The following THBS4 variants were observed in gnomAD, a reference collection of about 807,000 sequenced individuals.
The protein encoded by THBS4 is thrombospondin-4.
Under a neutral mutation model 115.7 loss-of-function variants are expected in THBS4, and 90 were observed. The ratio of observed to expected loss-of-function variants is 0.78; its 90% CI spans 0.66 to 0.93. The LOEUF (loss-of-function observed/expected upper bound fraction) is 0.93, where lower values mean the gene tolerates loss of function less well. Ranked by LOEUF, THBS4 falls within the 40% of genes least tolerant of loss-of-function variation. The probability of loss-of-function intolerance (pLI) is 0.00; values close to 1 mark genes in which losing one functional copy is unlikely to be tolerated. For synonymous variants in THBS4, 460 were observed against 479.3 expected (o/e 0.96, Z 0.53); for missense variants, 1,087 against 1,232.7 (o/e 0.88, Z 1.77).
rs1336204737 is a variant in THBS4 at position 80,074,624 on chromosome 5, CTCTT to C, written c.1892+1299_1892+1302del. On this transcript the variant is annotated intron_variant, in intron 15 of 21. Transcript: ENST00000350881. ...CTCCTATGAAGCCACAGCTCTCTCT[CTCTT>C]TTTTTTTTTTTTTGAGATGGAGTCT... 1.1e-4 allele frequency among the ~76,000 whole-genome samples: 17 copies of C among 148,024 alleles called. No individual in the cohort carries two copies. In the South Asian group the frequency reaches 3.4e-3, roughly 30 times the overall value.
chr5:80,076,748 A>G, intron 15 of THBS4, 107 bp from the exon 16 acceptor site: 1 of 1,203,030 alleles, frequency 8.3e-7, no homozygotes, highest in Non-Finnish European at 1.1e-6. Context: ...TTTAAGAGCC[A>G]ACCCTGGTTT....
intron 2 of THBS4, among the ~76,000 whole-genome samples, chr5:80,048,118 A>C (rs529504431): frequency 1.3e-5 from 2 of 152,264 alleles, no homozygotes; most frequent in African/African-American, 4.8e-5. Context: ...TTGTTTCAAA[A>C]AAATAAAAAT....
intron 2 of THBS4, among the ~76,000 whole-genome samples, chr5:80,021,996 G>T (rs1832387665): frequency 6.6e-6 from 1 of 152,108 alleles, no homozygotes; most frequent in Admixed American, 6.5e-5. Context: ...TGGGAGGAGG[G>T]TTTATGTCTA....
At chr5:80,021,439 A>G (rs1168047179) in intron 2 of THBS4, among the ~76,000 whole-genome samples, 2 of 152,106 alleles carry the variant, frequency 1.3e-5, no homozygotes, top group Admixed American at 6.6e-5. Context: ...AAAAAACATT[A>G]TCTATACACA....
intron 5 of THBS4, 26 bp from the exon 6 acceptor site, chr5:80,059,414 C>T (rs1833547540): frequency 6.2e-7 from 1 of 1,610,342 alleles, no homozygotes; most frequent in Admixed American, 1.7e-5. Context: ...CTTTTCAATC[C>T]TTTTTTCCCC....
At chr5:80,030,146 A>G (rs1190660517) in intron 2 of THBS4, among the ~76,000 whole-genome samples, 2 of 152,092 alleles carry the variant, frequency 1.3e-5, no homozygotes, top group African/African-American at 4.8e-5. Context: ...TGCCTTTCCC[A>G]GTGCTAGAGT....
At position 80,071,014 on chromosome 5, in the gene THBS4, C is replaced by G; in HGVS notation, c.1561-7C>G. The stretch of plus-strand genomic sequence containing the variant: ...TCTGAGTGATGTTCTGTCCTTTCAT[C>G]TTTTAGGATAACTGTGTCCTGATTC... On this transcript the variant is annotated splice_region_variant and splice_polypyrimidine_tract_variant and intron_variant, in intron 12 of 21. Transcript: ENST00000350881. 6.2e-7 allele frequency: 1 copy of G among 1,612,176 alleles called. No individual in the cohort carries two copies. Among genetic ancestry groups the G allele is most frequent in the East Asian group, 2.2e-5 (1 of 44,874 alleles).
chr5:80,012,004 AAAG>A (rs1359717701), intron 2 of THBS4, among the ~76,000 whole-genome samples: 32 of 152,262 alleles, frequency 2.1e-4, no homozygotes, highest in African/African-American at 6.7e-4. Context: ...GTTCTGTTTA[AAAG>A]AAGGAGACCA....
rs1832854099 is a variant in THBS4 at position 80,040,222 on chromosome 5, C to T, written c.234C>T (p.Tyr78=). 6.2e-7 allele frequency: 1 copy of T among 1,613,978 alleles called. No homozygotes were observed. The highest frequency in any genetic ancestry group is 1.7e-5 in the Admixed American group (1 of 59,986). ...GTTCAGCCACCATCTTCGGTCTTTA[C>T]TCTTCAACTGACAACAGTAAATATT... ...TKSSATIFGL[Y]SSTDNSKYFE... Residue 78 remains tyrosine (Y), a synonymous_variant, in exon 2 of 22, where the codon TAC becomes TAT. Transcript: ENST00000350881.
Position 80,056,049 on chromosome 5 carries a change from C to A in THBS4, c.540+17C>A. On this transcript the variant is annotated intron_variant, in intron 3 of 21. Transcript: ENST00000350881. ...AAGCCACAGGTAGGAACCCACAAAC[C>A]ATTCTCTGAAGTGGAAAAATGAGCT... is the stretch of plus-strand genomic sequence containing the variant. 6.3e-7 allele frequency: 1 copy of A among 1,580,936 alleles called. No homozygotes were observed.
chr5:80,070,718 G>C lies in THBS4; in HGVS notation c.1528G>C (p.Asp510His), dbSNP rs750336298. 9 of 1,614,234 alleles carry C rather than the reference G, an allele frequency of 5.6e-6. No homozygotes were observed. Among genetic ancestry groups the C allele is most frequent in the Non-Finnish European group, 7.6e-6 (9 of 1,180,042 alleles). ...TGGCATTGGCGACGCTTGTGACGAG[G>C]ATGCTGACGGAGATGGGATCCTGAA... Reference protein sequence around the residue: ...RDGIGDACDEDADGDGILNEQ... With the variant: ...RDGIGDACDEHADGDGILNEQ... Residue 510 changes from aspartate (D) to histidine (H), a missense_variant, in exon 12 of 22, where the codon GAT becomes CAT. Asp to His is a moderately conservative substitution (Grantham distance 81). Around this residue, in one of 3 missense-constraint regions of THBS4, gnomAD observed 979 missense variants for 1,103.7 expected, o/e 0.89. Transcript: ENST00000350881.
intron 2 of THBS4, among the ~76,000 whole-genome samples, chr5:80,023,761 T>G (rs755619981): frequency 3.9e-5 from 6 of 152,126 alleles, no homozygotes; most frequent in Non-Finnish European, 8.8e-5. Flanking sequence ...CTGAAGCTGC[T>G]TCAACTCTTG....
intron 2 of THBS4, among the ~76,000 whole-genome samples, chr5:80,000,534 T>C (rs765769925): frequency 2.0e-5 from 3 of 152,240 alleles, no homozygotes; most frequent in Non-Finnish European, 2.9e-5. Context: ...CCTTCTGTTA[T>C]TGCCACCACA....
intron 2 of THBS4, among the ~76,000 whole-genome samples, chr5:80,008,841 G>A (rs1233521828): frequency 6.6e-6 from 1 of 152,106 alleles, no homozygotes; most frequent in South Asian, 2.1e-4. Context: ...AATCATCCCT[G>A]GGTGAGGACC....
intron 12 of THBS4, 97 bp downstream of exon 12, chr5:80,070,847 G>A (rs41272286): frequency 1.3e-6 from 2 of 1,559,934 alleles, no homozygotes; most frequent in Non-Finnish European, 1.8e-6. Context: ...CATCCCAAAT[G>A]TTAGTTTCCA....
chr5:79,999,891 G>A lies in THBS4; in HGVS notation n.177+1464G>A, dbSNP rs575148014. Among the ~76,000 whole-genome samples, 24 of 152,258 alleles carry A rather than the reference G, an allele frequency of 1.6e-4. No individual in the cohort carries two copies. In the East Asian group the frequency reaches 3.1e-3, roughly 20 times the overall value. ...TCTTAGCAAACTAAAAGAAATTAGC[G>A]TACATTTTGAGTAATGGAAGTGAGT... is the stretch of plus-strand genomic sequence containing the variant. On this transcript the variant is annotated intron_variant and non_coding_transcript_variant, in intron 2 of 3. Transcript: ENST00000510218.
chr5:80,041,056 C>T (rs1283980706), intron 2 of THBS4, among the ~76,000 whole-genome samples: 3 of 152,188 alleles, frequency 2.0e-5, no homozygotes, highest in African/African-American at 7.2e-5. Flanking sequence ...TCATATGCCT[C>T]CCACAAGGCC....
intron 1 of THBS4, among the ~76,000 whole-genome samples, chr5:79,997,616 A>C (rs1185926346): frequency 6.6e-6 from 1 of 152,206 alleles, no homozygotes; most frequent in Non-Finnish European, 1.5e-5. Context: ...ACTGGACAAA[A>C]AATAAGCAAA....
At chr5:80,079,770 GT>G in intron 19 of THBS4, 134 bp from the exon 20 acceptor site, 1 of 893,366 alleles carries the variant, frequency 1.1e-6, no homozygotes, top group Non-Finnish European at 1.7e-6. Context: ...ACATTTAAGT[GT>G]TTATGCTTTG....
Sources: gnomAD v4.1 joint callset for allele counts (sites outside exome capture counted in the v4.1 genomes callset) on GRCh38, gnomAD v4.1.1 for gene constraint, gnomAD v4.1.1 regional missense constraint, MANE v1.5 for transcripts, NCBI Gene and HGNC (gene_info 2026-07-23, HGNC 2026-07-21) for gene names.